Variants in CDH4 observed in about 807,000 individuals in gnomAD.
CDH4 encodes the protein cadherin 4, also known as cadherin-4.
A neutral mutation model predicts 86.0 loss-of-function variants in CDH4; 33 were observed. The observed-to-expected ratio is 0.38, with a 90% CI of 0.29 to 0.51. The LOEUF (loss-of-function observed/expected upper bound fraction) is 0.51, where lower values mean the gene tolerates loss of function less well. CDH4 is among the 20% of genes least tolerant of loss of function. The pLI is 0.86. For missense variants in CDH4, 1,114 were observed against 1,307.4 expected (o/e 0.85, Z 2.28); for synonymous variants, 555 against 549.4 (o/e 1.01, Z -0.14).
At chr20:61,596,069 C>T (rs1568703379) in intron 2 of CDH4, among the ~76,000 whole-genome samples, 3 of 152,166 alleles carry the variant, frequency 2.0e-5, no homozygotes, top group African/African-American at 4.8e-5. Context: ...GAGACAGTGC[C>T]GGGACCAACT....
chr20:61,415,676 G>A (rs2085142964), intron 2 of CDH4, among the ~76,000 whole-genome samples: 1 of 152,048 alleles, frequency 6.6e-6, no homozygotes, highest in African/African-American at 2.4e-5. Flanking sequence ...TGTCCTTAAA[G>A]TTCACCCATG....
At chr20:61,841,602 A>G (rs1982174914) in intron 4 of CDH4, among the ~76,000 whole-genome samples, 1 of 152,102 alleles carries the variant, frequency 6.6e-6, no homozygotes. Context: ...GCCCTTCCCT[A>G]GGTCGCTGTC....
At chr20:61,460,001 G>A (rs2085432818) in intron 2 of CDH4, among the ~76,000 whole-genome samples, 1 of 152,138 alleles carries the variant, frequency 6.6e-6, no homozygotes, top group East Asian at 1.9e-4. Flanking sequence ...CAATGGCAGA[G>A]TGATGGGTTG....
chr20:61,906,300 G>A (rs987520814), intron 8 of CDH4, among the ~76,000 whole-genome samples: 1 of 152,254 alleles, frequency 6.6e-6, no homozygotes, highest in Non-Finnish European at 1.5e-5. Flanking sequence ...ATATGTAAAT[G>A]AATGGGGTGT....
At chr20:61,662,764 C>T (rs111656555) in intron 2 of CDH4, among the ~76,000 whole-genome samples, 114 of 152,282 alleles carry the variant, frequency 7.5e-4, no homozygotes, top group Middle Eastern at 3.4e-3. Context: ...CTCGGGATGG[C>T]GAGGGTACCT....
chr20:61,636,915 C>T (rs1045397362), intron 2 of CDH4, among the ~76,000 whole-genome samples: 10 of 152,158 alleles, frequency 6.6e-5, no homozygotes, highest in African/African-American at 2.4e-4. Flanking sequence ...AGGGCCGGGC[C>T]ACTCACCTCC....
intron 9 of CDH4, among the ~76,000 whole-genome samples, chr20:61,920,075 T>TATC (rs1374643465): frequency 3.6e-5 from 5 of 140,358 alleles, no homozygotes; most frequent in African/African-American, 5.5e-5. Flanking sequence ...GGAAGCGTGG[T>TATC]GTCACGGTGA....
At chr20:61,842,616 C>T (rs1404960515) in intron 4 of CDH4, among the ~76,000 whole-genome samples, 2 of 152,146 alleles carry the variant, frequency 1.3e-5, no homozygotes, top group East Asian at 1.9e-4. Flanking sequence ...GAGAAGAAAA[C>T]GCTTTAAAAC....
At chr20:61,649,246 C>T (rs1326308055) in intron 2 of CDH4, among the ~76,000 whole-genome samples, 1 of 152,202 alleles carries the variant, frequency 6.6e-6, no homozygotes, top group East Asian at 1.9e-4. Context: ...CGAGCACGCA[C>T]GCTCACCTTT....
chr20:61,875,306 G>A (rs1983970067), intron 7 of CDH4, among the ~76,000 whole-genome samples: 1 of 152,214 alleles, frequency 6.6e-6, no homozygotes, highest in Non-Finnish European at 1.5e-5. Context: ...GTGGTGCCCA[G>A]GGTAACACAT....
In CDH4 at chr20:61,663,450, C is replaced by T. The variant is rs200576254; in HGVS notation, c.170-80113C>T. The stretch of plus-strand genomic sequence containing the variant: ...GCGTAAAAGACAATAATTCTGAAGG[C>T]TCTGGGTCGGGGGCATTTCAGGCGA... On this transcript the variant is annotated intron_variant, in intron 2 of 15. Transcript: ENST00000614565. This position sits in a 1 kb window ranked among gnomAD's most constrained non-coding sequence, Gnocchi z 5.0. Among the ~76,000 whole-genome samples, 5 of 152,346 alleles carry T rather than the reference C, an allele frequency of 3.3e-5. No homozygotes were observed. In the East Asian group the frequency reaches 9.6e-4, roughly 29 times the overall value.
At position 61,681,592 on chromosome 20, in the gene CDH4, C is replaced by G. The variant is rs1325198309; in HGVS notation, c.170-61971C>G. 6.6e-6 allele frequency among the ~76,000 whole-genome samples: 1 copy of G among 152,188 alleles called. No homozygotes were observed. The highest frequency in any genetic ancestry group is 1.5e-5 in the Non-Finnish European group (1 of 68,034). On this transcript the variant is annotated intron_variant, in intron 2 of 15. Transcript: ENST00000614565. This position sits in a 1 kb window ranked among gnomAD's most constrained non-coding sequence, Gnocchi z 4.5. ...GGGTAGGAGAAAAAGGGGGCATCAT[C>G]TAGCAGCTGGGAGGAGTCTCAGGAT...
intron 5 of CDH4, among the ~76,000 whole-genome samples, chr20:61,846,409 C>T (rs1415595495): frequency 6.6e-6 from 1 of 152,196 alleles, no homozygotes; most frequent in African/African-American, 2.4e-5. Flanking sequence ...CTTTGGGCTG[C>T]CGTCAACACG....
chr20:61,852,999 A>G (rs1982805630), intron 6 of CDH4, 101 bp downstream of exon 6: 1 of 1,277,158 alleles, frequency 7.8e-7, no homozygotes, highest in African/African-American at 1.5e-5. Flanking sequence ...CGCTACCAGG[A>G]TGGTGCCACG....
At chr20:61,773,211 G>A in intron 4 of CDH4, 29 bp downstream of exon 4, 3 of 1,503,496 alleles carry the variant, frequency 2.0e-6, no homozygotes, top group Non-Finnish European at 1.8e-6. Flanking sequence ...CGCGGGCACG[G>A]GGGTCTCGGC....
At chr20:61,745,260 C>A (rs1370102140) in intron 3 of CDH4, among the ~76,000 whole-genome samples, 1 of 152,108 alleles carries the variant, frequency 6.6e-6, no homozygotes, top group Non-Finnish European at 1.5e-5. Context: ...CTGAGTGAGA[C>A]CAGTCTGCAA....
chr20:61,433,618 A>G (rs1446023506), intron 2 of CDH4, among the ~76,000 whole-genome samples: 2 of 152,172 alleles, frequency 1.3e-5, no homozygotes, highest in Non-Finnish European at 2.9e-5. Context: ...TGCAACTTGT[A>G]CGTGAGTTCT....
At chr20:61,906,171 G>C (rs1030361854) in intron 8 of CDH4, among the ~76,000 whole-genome samples, 1 of 152,244 alleles carries the variant, frequency 6.6e-6, no homozygotes. Flanking sequence ...CTCAGGGGTG[G>C]AGAACAAGGA....
intron 2 of CDH4, among the ~76,000 whole-genome samples, chr20:61,563,169 C>T (rs1415231722): frequency 6.6e-6 from 1 of 151,854 alleles, no homozygotes; most frequent in African/African-American, 2.4e-5. Context: ...TACACAAGGG[C>T]CCACGGGGAG....
Sources: gnomAD v4.1 joint callset for allele counts (sites outside exome capture counted in the v4.1 genomes callset) on GRCh38, gnomAD v4.1.1 for gene constraint, Gnocchi (gnomAD v3.1) non-coding constraint, MANE v1.5 for transcripts, NCBI Gene and HGNC (gene_info 2026-07-23, HGNC 2026-07-21) for gene names.